Variants in CCSER2 observed in about 807,000 individuals in gnomAD.
The protein encoded by CCSER2 is coiled-coil serine rich protein 2.
In CCSER2, 46 loss-of-function variants were observed where a neutral mutation model predicts 92.3. The ratio of observed to expected loss-of-function variants is 0.50; its 90% CI spans 0.39 to 0.64. The LOEUF (loss-of-function observed/expected upper bound fraction) is 0.64, where lower values mean the gene tolerates loss of function less well. Ranked by LOEUF, CCSER2 falls within the 30% of genes least tolerant of loss-of-function variation. CCSER2 has a pLI of 0.00. For missense variants in CCSER2, 1,244 were observed against 1,238.9 expected (o/e 1.00, Z -0.06); for synonymous variants, 433 against 431.4 (o/e 1.00, Z -0.04).
chr10:84,328,924 G>A (rs1320937878), intron 1 of CCSER2, 116 bp downstream of exon 1: 1 of 151,966 alleles, frequency 6.6e-6, no homozygotes, highest in Non-Finnish European at 1.5e-5. Context: ...CCGGGCTGAG[G>A]CGGTGTCGCC....
At chr10:84,487,971 G>T (rs1847910541) in intron 9 of CCSER2, among the ~76,000 whole-genome samples, 1 of 152,118 alleles carries the variant, frequency 6.6e-6, no homozygotes, top group East Asian at 1.9e-4. Flanking sequence ...TTTTGTCAAT[G>T]GCCTTTTCTG....
intron 3 of CCSER2, among the ~76,000 whole-genome samples, chr10:84,386,339 T>C (rs1841201716): frequency 6.6e-6 from 1 of 152,222 alleles, no homozygotes; most frequent in Admixed American, 6.5e-5. Flanking sequence ...AGTCATGGAA[T>C]CAACTTAAGT....
chr10:84,361,910 G>T (rs1845523167), intron 1 of CCSER2, among the ~76,000 whole-genome samples: 1 of 152,156 alleles, frequency 6.6e-6, no homozygotes, highest in African/African-American at 2.4e-5. Flanking sequence ...AAAGTGCTGG[G>T]ATTACAGGCG....
At chr10:84,432,139 C>G (rs1843806434) in intron 5 of CCSER2, among the ~76,000 whole-genome samples, 1 of 152,082 alleles carries the variant, frequency 6.6e-6, no homozygotes, top group South Asian at 2.1e-4. Context: ...TTTGCAGTTC[C>G]CTAATGATAA....
chr10:84,449,746 C>G (rs948692916), intron 6 of CCSER2, among the ~76,000 whole-genome samples: 44 of 152,072 alleles, frequency 2.9e-4, no homozygotes, highest in African/African-American at 1.1e-3. Flanking sequence ...GATCAGGAGG[C>G]TGAGACAGGA....
chr10:84,394,828 A>AT (rs993886552), intron 3 of CCSER2, among the ~76,000 whole-genome samples: 1 of 152,058 alleles, frequency 6.6e-6, no homozygotes, highest in African/African-American at 2.4e-5. Flanking sequence ...TTTTCTGAAC[A>AT]TTTTTTCTCA....
In CCSER2 at chr10:84,408,366, ACAT is replaced by A. The variant is rs571201347; in HGVS notation, c.1615-9401_1615-9399del. Among the ~76,000 whole-genome samples the A allele has an allele frequency of 6.6e-5, 10 of 152,250 alleles. No individual in the cohort carries two copies. The South Asian group carries it at 2.1e-3, about 32-fold the overall frequency. ...TTATCTAATGAGAGGAATGTTTGAA[ACAT>A]CATAAATAAGGATTTATTTATATAT... On this transcript the variant is annotated intron_variant, in intron 3 of 9. Transcript: ENST00000372088.
chr10:84,358,648 G>GTA (rs1237493350), intron 1 of CCSER2, among the ~76,000 whole-genome samples: 236 of 146,308 alleles, frequency 1.6e-3, no homozygotes, highest in Middle Eastern at 0.011. Flanking sequence ...GTATATATGT[G>GTA]TATATATATA....
chr10:84,514,330 T>C lies in CCSER2; in HGVS notation c.*63T>C. 1 of 1,072,078 alleles carries C rather than the reference T, an allele frequency of 9.3e-7. No individual in the cohort carries two copies. The highest frequency in any genetic ancestry group is 1.3e-6 in the Non-Finnish European group (1 of 757,222). 66.4% of individuals were successfully genotyped at this position (1,072,078 alleles called of 1,614,324 possible). The stretch of plus-strand genomic sequence containing the variant: ...CAATCTCTTCTGTAATAGCTTTATG[T>C]GCAGCTTGCAGCTTGCTACTGTGGT... On this transcript the variant is annotated 3_prime_UTR_variant, in exon 10 of 10. Transcript: ENST00000372088.
intron 9 of CCSER2, among the ~76,000 whole-genome samples, chr10:84,483,259 G>T (rs1390615610): frequency 6.6e-6 from 1 of 152,118 alleles, no homozygotes; most frequent in Non-Finnish European, 1.5e-5. Flanking sequence ...CAGGCGTGGT[G>T]GTGCATGCCA....
At chr10:84,375,514 C>T (rs1231804433) in intron 3 of CCSER2, among the ~76,000 whole-genome samples, 1 of 144,684 alleles carries the variant, frequency 6.9e-6, no homozygotes, top group Non-Finnish European at 1.5e-5. Context: ...TAGGCGTGTA[C>T]CTGTTCAGAA....
intron 4 of CCSER2, among the ~76,000 whole-genome samples, chr10:84,423,806 A>G (rs1843276805): frequency 6.6e-6 from 1 of 152,112 alleles, no homozygotes; most frequent in Non-Finnish European, 1.5e-5. Flanking sequence ...TAATACAAAT[A>G]TGAATTTATA....
At chr10:84,389,416 G>C in intron 3 of CCSER2, 1 of 489,748 alleles carries the variant, frequency 2.0e-6, no homozygotes, top group Non-Finnish European at 4.1e-6. Flanking sequence ...TGAGGGCTTT[G>C]ATGATCGGTG....
chr10:84,493,114 T>G (rs1848261869), intron 9 of CCSER2, among the ~76,000 whole-genome samples: 1 of 152,226 alleles, frequency 6.6e-6, no homozygotes, highest in Non-Finnish European at 1.5e-5. Flanking sequence ...TTGGGAGTTT[T>G]AAAGTTATAA....
chr10:84,413,045 A>G (rs1218957502), intron 3 of CCSER2, among the ~76,000 whole-genome samples: 1 of 148,932 alleles, frequency 6.7e-6, no homozygotes, highest in Admixed American at 6.7e-5. Context: ...TTTCTTCTTT[A>G]CTAGTCTAGC....
intron 3 of CCSER2, among the ~76,000 whole-genome samples, chr10:84,380,210 A>G (rs1426670669): frequency 6.6e-6 from 1 of 152,028 alleles, no homozygotes; most frequent in African/African-American, 2.4e-5. Context: ...ATGATACATA[A>G]TTTTAATTTA....
intron 1 of CCSER2, among the ~76,000 whole-genome samples, chr10:84,346,166 G>A (rs914817978): frequency 6.6e-6 from 1 of 152,204 alleles, no homozygotes; most frequent in Non-Finnish European, 1.5e-5. Flanking sequence ...CCGGGTTCAA[G>A]CGATTCTTCT....
intron 6 of CCSER2, among the ~76,000 whole-genome samples, chr10:84,457,413 AAAT>A (rs1386397115): frequency 1.8e-5 from 1 of 55,194 alleles, no homozygotes; most frequent in African/African-American, 6.9e-5. Flanking sequence ...ATATTTTAAA[AAAT>A]ATATTTAAAA....
At chr10:84,500,982 C>G (rs1848689499) in intron 9 of CCSER2, among the ~76,000 whole-genome samples, 2 of 152,154 alleles carry the variant, frequency 1.3e-5, no homozygotes, top group African/African-American at 4.8e-5. Flanking sequence ...TGCTACACCT[C>G]TCCTTCCCTT....
Sources: allele counts gnomAD v4.1 joint callset (sites outside exome capture counted in the v4.1 genomes callset), GRCh38; gene constraint gnomAD v4.1.1; transcripts MANE v1.5; gene names NCBI Gene and HGNC (gene_info 2026-07-23, HGNC 2026-07-21).